The following MRPS18A variants were observed in gnomAD, a reference collection of about 807,000 sequenced individuals.
The protein encoded by MRPS18A is large ribosomal subunit protein mL66.
Under a neutral mutation model 22.7 loss-of-function variants are expected in MRPS18A, and 20 were observed. The ratio of observed to expected loss-of-function variants is 0.88; its 90% CI spans 0.62 to 1.28. The LOEUF (loss-of-function observed/expected upper bound fraction) is 1.28. MRPS18A is among the 50% of genes most tolerant of loss of function. The probability of loss-of-function intolerance (pLI) is 0.00; values close to 1 mark genes in which losing one functional copy is unlikely to be tolerated. For missense variants in MRPS18A, 294 were observed against 262.6 expected, an observed-to-expected ratio of 1.12 and a Z score of -0.83; for synonymous variants, 106 against 99.1, an observed-to-expected ratio of 1.07 and a Z score of -0.41.
chr6:43,672,206 G>T, intron 5 of MRPS18A: 1 of 481,124 alleles, frequency 2.1e-6, no homozygotes, highest in Admixed American at 3.4e-5. Flanking sequence ...AAAAGGTGGC[G>T]AAGAGGCTGC....
chr6:43,683,302 A>C (rs1774515055), intron 1 of MRPS18A, among the ~76,000 whole-genome samples: 1 of 152,192 alleles, frequency 6.6e-6, no homozygotes, highest in Admixed American at 6.5e-5. Context: ...AACCAGAAGG[A>C]ATGACCTGAG....
chr6:43,681,223 C>A, intron 1 of MRPS18A, 103 bp from the exon 2 acceptor site: 2 of 1,161,848 alleles, frequency 1.7e-6, no homozygotes, highest in South Asian at 1.4e-5. Flanking sequence ...AGCAGCCTTC[C>A]ATCTGTACTC....
rs1773966919 is a variant in MRPS18A at position 43,674,927 on chromosome 6, T to TA, written c.446+274dup. Among the ~76,000 whole-genome samples the TA allele has an allele frequency of 5.9e-5, 9 of 152,142 alleles. No homozygotes were observed. The South Asian group carries it at 1.9e-3, about 31-fold the overall frequency. On this transcript the variant is annotated intron_variant, in intron 5 of 5. Transcript: ENST00000372133. ...AAAATTTGTAGTACTGACATCCCCA[T>TA]AGCCACCCAGTGTGATGTCATAGAT...
intron 3 of MRPS18A, among the ~76,000 whole-genome samples, chr6:43,677,434 A>G (rs1774120091): frequency 6.6e-6 from 1 of 152,170 alleles, no homozygotes. Context: ...TAGTCATCCT[A>G]TTCCACAAAG....
At chr6:43,671,970 G>A in intron 5 of MRPS18A, 64 bp from the exon 6 acceptor site, 1 of 1,494,630 alleles carries the variant, frequency 6.7e-7, no homozygotes, top group Non-Finnish European at 8.9e-7. Context: ...GTGGGAGAGT[G>A]GAGCACTACC....
At position 43,671,589 on chromosome 6, in the gene MRPS18A, G is replaced by C; in HGVS notation, c.*173C>G. On this transcript the variant is annotated 3_prime_UTR_variant, in exon 6 of 6. Transcript: ENST00000372133. ...GCCTCTAGCTCCCAGCATTGCTACT[G>C]TGCAGGCCAAGGGTACTGAAGTTAG... 1.4e-6 allele frequency: 1 copy of C among 721,594 alleles called. No individual in the cohort carries two copies. The allele number at this position is 721,594 out of a possible 1,614,324, so 44.7% of individuals were successfully genotyped here. A position where few individuals can be genotyped will look rare whatever the true frequency, so the allele number is the denominator to read the frequency against.
chr6:43,676,135 G>GC (rs150520688), intron 3 of MRPS18A, among the ~76,000 whole-genome samples: 19,104 of 152,026 alleles, frequency 0.13, 1,332 homozygotes, highest in East Asian at 0.27. Flanking sequence ...GCAGGTGTGC[G>GC]CCCCTACACC....
chr6:43,682,734 C>T (rs2127952097), intron 1 of MRPS18A, among the ~76,000 whole-genome samples: 1 of 152,308 alleles, frequency 6.6e-6, no homozygotes, highest in Admixed American at 6.5e-5. Context: ...AGTCTGGAAG[C>T]CAGCACAGCT....
At chr6:43,676,889 G>T (rs1419991725) in intron 3 of MRPS18A, among the ~76,000 whole-genome samples, 1 of 152,300 alleles carries the variant, frequency 6.6e-6, no homozygotes, top group African/African-American at 2.4e-5. Context: ...CTGATGAAAA[G>T]AACTTGGATT....
At chr6:43,676,129 G>C (rs905631128) in intron 3 of MRPS18A, among the ~76,000 whole-genome samples, 1 of 148,974 alleles carries the variant, frequency 6.7e-6, no homozygotes, top group African/African-American at 2.5e-5. Flanking sequence ...GGGATTGCAG[G>C]TGTGCGCCCC....
rs1031123692 is a variant in MRPS18A, at chr6:43,673,778, C to T, written c.446+1424G>A. Among the ~76,000 whole-genome samples the T allele has an allele frequency of 6.6e-6, 1 of 152,260 alleles. No homozygotes were observed. The highest frequency in any genetic ancestry group is 2.4e-5 in the African/African-American group (1 of 41,482). ...CATGGCAGCATTAAACGAGACTCCC[C>T]TGCAAGGGAATCCATTTCCTTCGTA... On this transcript the variant is annotated intron_variant, in intron 5 of 5. Transcript: ENST00000372133. The surrounding 1 kb of genome is among the most constrained non-coding windows in gnomAD (Gnocchi z 4.2).
chr6:43,681,048 G>C, intron 2 of MRPS18A, 41 bp downstream of exon 2: 1 of 1,605,498 alleles, frequency 6.2e-7, no homozygotes, highest in Non-Finnish European at 8.5e-7. Flanking sequence ...GCAGCTCCAA[G>C]CGTTAAAGAG....
rs1773880000 is a variant in MRPS18A at position 43,673,620 on chromosome 6, C to T, written c.446+1582G>A. On this transcript the variant is annotated intron_variant, in intron 5 of 5. Transcript: ENST00000372133. This position sits in a 1 kb window ranked among gnomAD's most constrained non-coding sequence, Gnocchi z 4.2. ...CTCCAGCCAGCTCTTTGGGAACACC[C>T]CAGCTCTAGCAAGAACCAAGTCTCT... is the stretch of plus-strand genomic sequence containing the variant. Among the ~76,000 whole-genome samples, 1 of 152,148 alleles carries T rather than the reference C, an allele frequency of 6.6e-6. No individual in the cohort carries two copies. The highest frequency in any genetic ancestry group is 6.5e-5 in the Admixed American group (1 of 15,284).
In MRPS18A at chr6:43,672,441, G is replaced by T. The variant is rs77153023; in HGVS notation, c.447-535C>A. ...GTGGGCGCAGCCCTAGCCTAGGAAG[G>T]TTCCTGTAAATAGGAGGGGGGTGGG... is the stretch of plus-strand genomic sequence containing the variant. On this transcript the variant is annotated intron_variant, in intron 5 of 5. Transcript: ENST00000372133. The T allele has an allele frequency of 8.5e-3, 3,997 of 470,962 alleles. 132 individuals carry two copies. The highest frequency in any genetic ancestry group is 0.07 in the African/African-American group (3,533 of 50,216). The allele number at this position is 470,962 out of a possible 1,614,324, so 29.2% of individuals were successfully genotyped here.
At chr6:43,677,779 G>C (rs756957715) in intron 3 of MRPS18A, among the ~76,000 whole-genome samples, 27 of 152,150 alleles carry the variant, frequency 1.8e-4, no homozygotes, top group Admixed American at 4.6e-4. Flanking sequence ...TAGGGTTACT[G>C]TGAAAACTAA....
chr6:43,671,231 C>T lies in MRPS18A; in HGVS notation c.*531G>A, dbSNP rs1282888566. On this transcript the variant is annotated 3_prime_UTR_variant, in exon 6 of 6. Transcript: ENST00000372133. Reference sequence around the variant, plus strand: ...AGGAACGCAGTTTCTTGGATTCACACGAGAGCGGCAAGTGTGTCAGGCAGC... The same window carrying T: ...AGGAACGCAGTTTCTTGGATTCACATGAGAGCGGCAAGTGTGTCAGGCAGC... 9 of 548,310 alleles carry T rather than the reference C, an allele frequency of 1.6e-5. No individual in the cohort carries two copies. Among genetic ancestry groups the T allele is most frequent in the South Asian group, 6.5e-5 (3 of 46,198 alleles). 34.0% of individuals were successfully genotyped at this position (548,310 alleles called of 1,614,324 possible). A position where few individuals can be genotyped will look rare whatever the true frequency, so the allele number is the denominator to read the frequency against.
At chr6:43,684,048 A>T (rs1249840499) in intron 1 of MRPS18A, among the ~76,000 whole-genome samples, 1 of 152,080 alleles carries the variant, frequency 6.6e-6, no homozygotes, top group Non-Finnish European at 1.5e-5. Flanking sequence ...GCTACTCAGG[A>T]GGATCACCTG....
At chr6:43,672,071 G>A in intron 5 of MRPS18A, 165 bp from the exon 6 acceptor site, 1 of 836,832 alleles carries the variant, frequency 1.2e-6, no homozygotes, top group South Asian at 1.8e-5. Flanking sequence ...TAACTGCTGA[G>A]CGTCCTGTAA....
chr6:43,679,261 C>T (rs1561951183), intron 2 of MRPS18A, among the ~76,000 whole-genome samples: 1 of 152,188 alleles, frequency 6.6e-6, no homozygotes, highest in Non-Finnish European at 1.5e-5. Context: ...AACCATCCTC[C>T]ACTGCACAGG....
Sources: allele counts gnomAD v4.1 joint callset (sites outside exome capture counted in the v4.1 genomes callset), GRCh38; gene constraint gnomAD v4.1.1; non-coding constraint Gnocchi (gnomAD v3.1); transcripts MANE v1.5; gene names NCBI Gene and HGNC (gene_info 2026-07-23, HGNC 2026-07-21).